SOD2: variants seen among roughly 807,000 people sequenced by gnomAD.
SOD2 encodes superoxide dismutase 2, also known as superoxide dismutase [Mn], mitochondrial.
A neutral mutation model predicts 27.0 loss-of-function variants in SOD2; 11 were observed. The ratio of observed to expected loss-of-function variants is 0.41; its 90% CI spans 0.26 to 0.67. The LOEUF (loss-of-function observed/expected upper bound fraction) is 0.67, where lower values mean the gene tolerates loss of function less well. SOD2 is among the 30% of genes least tolerant of loss of function. The probability of loss-of-function intolerance (pLI) is 0.34; values close to 1 mark genes in which losing one functional copy is unlikely to be tolerated. For missense variants in SOD2, 250 were observed against 274.5 expected (o/e 0.91, Z 0.63); for synonymous variants, 105 against 103.0 (o/e 1.02, Z -0.12).
rs994413415 is a variant in SOD2 at position 159,671,097 on chromosome 6, C to T, written c.*11396G>A. 6.7e-6 allele frequency: 1 copy of T among 148,312 alleles called. No individual in the cohort carries two copies. Among genetic ancestry groups the T allele is most frequent in the South Asian group, 2.2e-4 (1 of 4,564 alleles). 9.2% of individuals were successfully genotyped at this position (148,312 alleles called of 1,614,324 possible). On this transcript the variant is annotated 3_prime_UTR_variant, in exon 5 of 5. Transcript: ENST00000538183. Reference sequence around the variant, plus strand: ...AGGTAAATAAAGCAGCCGGGAAGCTCGAACTAGGTGGAGCCCACTGCAGCT... The same window carrying T: ...AGGTAAATAAAGCAGCCGGGAAGCTTGAACTAGGTGGAGCCCACTGCAGCT...
upstream of SOD2, among the ~76,000 whole-genome samples, chr6:159,728,922 C>T (rs1459756263): frequency 6.6e-6 from 1 of 152,206 alleles, no homozygotes; most frequent in Admixed American, 6.5e-5. Context: ...TTGCTAACTC[C>T]TAAAGGATAA....
chr6:159,721,525 T>C (rs1778040056), intron 1 of SOD2, among the ~76,000 whole-genome samples: 1 of 151,860 alleles, frequency 6.6e-6, no homozygotes, highest in African/African-American at 2.4e-5. Flanking sequence ...TGTGCCACCA[T>C]GCCCGGCTAA....
intron 1 of SOD2, among the ~76,000 whole-genome samples, chr6:159,723,209 T>C (rs1001621676): frequency 5.9e-5 from 9 of 152,238 alleles, no homozygotes; most frequent in African/African-American, 2.2e-4. Context: ...TGCAATAAAA[T>C]GCATTCTTTA....
At chr6:159,693,081 G>C in intron 1 of SOD2, 64 bp downstream of exon 1, 1 of 1,509,692 alleles carries the variant, frequency 6.6e-7, no homozygotes, top group Non-Finnish European at 8.8e-7. Flanking sequence ...CATTGCCGCG[G>C]AGGCCCTGCC....
rs944153491 is a variant in SOD2, at chr6:159,682,409, G to A, written c.*84C>T. ...CAACATCAAGAAATGCTACAATAGA[G>A]CAGCTTACTGTATTCTGCAGTACTC... On this transcript the variant is annotated 3_prime_UTR_variant, in exon 5 of 5. Transcript: ENST00000538183. The A allele has an allele frequency of 3.6e-6, 4 of 1,120,054 alleles. No individual in the cohort carries two copies. The African/African-American group carries it at 6.4e-5, about 18-fold the overall frequency. 69.4% of individuals were successfully genotyped at this position (1,120,054 alleles called of 1,614,324 possible). A position where few individuals can be genotyped will look rare whatever the true frequency, so the allele number is the denominator to read the frequency against.
chr6:159,757,431 T>G (rs1780038927), intron 1 of SOD2, among the ~76,000 whole-genome samples: 1 of 151,090 alleles, frequency 6.6e-6, no homozygotes, highest in African/African-American at 2.4e-5. Flanking sequence ...TTTTTTTTTT[T>G]GCCGAGAGTC....
At chr6:159,750,755 A>G (rs1361181744) in intron 1 of SOD2, among the ~76,000 whole-genome samples, 7 of 152,180 alleles carry the variant, frequency 4.6e-5, no homozygotes, top group African/African-American at 1.7e-4. Flanking sequence ...TTATAAATGG[A>G]TTTTTTTCTA....
intron 3 of SOD2, 105 bp from the exon 4 acceptor site, chr6:159,685,138 G>T: frequency 2.0e-6 from 1 of 512,634 alleles, no homozygotes; most frequent in Non-Finnish European, 2.8e-6. Flanking sequence ...TAGGGCCCAA[G>T]AAATTAGACA....
At chr6:159,741,945 CTG>C in intron 1 of SOD2, 1 of 635,514 alleles carries the variant, frequency 1.6e-6, no homozygotes, top group Non-Finnish European at 2.7e-6. Flanking sequence ...GAGCGAGACT[CTG>C]TCTAAAAAAA....
At chr6:159,732,074 A>G (rs1228446838), upstream of SOD2, among the ~76,000 whole-genome samples, 1 of 152,194 alleles carries the variant, frequency 6.6e-6, no homozygotes, top group Non-Finnish European at 1.5e-5. Context: ...ACCCTGGTGT[A>G]TGAAAAGTCT....
At chr6:159,706,445 A>T (rs1777628954) in intron 1 of SOD2, among the ~76,000 whole-genome samples, 1 of 152,198 alleles carries the variant, frequency 6.6e-6, no homozygotes, top group African/African-American at 2.4e-5. Context: ...AGTGGAATAC[A>T]AAAAAAGGCA....
Position 159,761,710 on chromosome 6 carries a change from A to T in SOD2, c.-1009T>A. 1.1e-5 allele frequency: 4 copies of T among 373,202 alleles called. No homozygotes were observed. The Middle Eastern group carries it at 1.5e-3, about 139-fold the overall frequency. The allele number at this position is 373,202 out of a possible 1,614,324, so 23.1% of individuals were successfully genotyped here. On this transcript the variant is annotated 5_prime_UTR_variant, in exon 1 of 8. Transcript: ENST00000546087. ...GAAACCCTAAGATTTTTTAAAAAAA[A>T]GCCCAAGACGTCAAGTCGGGGAACT...
upstream of SOD2, among the ~76,000 whole-genome samples, chr6:159,728,259 C>G (rs1286433608): frequency 1.3e-5 from 2 of 152,100 alleles, no homozygotes; most frequent in Non-Finnish European, 2.9e-5. Context: ...CCCTGTGAGA[C>G]AGTTACTAGA....
In SOD2 at chr6:159,685,667, ACCCC is replaced by A. The variant is rs879431943; in HGVS notation, c.344-638_344-635del. Among the ~76,000 whole-genome samples the A allele has an allele frequency of 6.6e-3, 752 of 113,098 alleles. 1 individual carries two copies. Among genetic ancestry groups the A allele is most frequent in the Non-Finnish European group, 0.011 (591 of 51,438 alleles). 74.2% of individuals were successfully genotyped at this position (113,098 alleles called of 152,430 possible). A position where few individuals can be genotyped will look rare whatever the true frequency, so the allele number is the denominator to read the frequency against. On this transcript the variant is annotated intron_variant, in intron 3 of 4. Transcript: ENST00000538183. Reference sequence around the variant, plus strand: ...GCGAGCTTAGTATACAACAGTTTTCACCCCCCGTCCCCTTCTTTCTCCCTCCCTG... The same window carrying A: ...GCGAGCTTAGTATACAACAGTTTTCACCGTCCCCTTCTTTCTCCCTCCCTG...
At chr6:159,733,856 C>T (rs564156355) in intron 1 of SOD2, among the ~76,000 whole-genome samples, 17 of 152,190 alleles carry the variant, frequency 1.1e-4, no homozygotes, top group African/African-American at 3.4e-4. Context: ...GCGGAGGTTG[C>T]GGTGAGCCGA....
Position 159,684,934 on chromosome 6 carries a change from C to T in SOD2, c.443G>A (p.Gly148Asp). ...CCGTTCCTTATTGAAACCAAGCCAA[C>T]CCCAACCTGAGCCTTGGACACCAAC... ...ASVGVQGSGW[G>D]WLGFNKERGH... Residue 148 changes from glycine to aspartate, a missense_variant, in exon 4 of 5, where the codon GGT (glycine) becomes GAT (aspartate). Gly to Asp is a moderately conservative substitution (Grantham distance 94, BLOSUM62 -1). Transcript: ENST00000538183. The T allele has an allele frequency of 6.2e-7, 1 of 1,613,864 alleles. No homozygotes were observed.
upstream of SOD2, chr6:159,748,044 T>A: frequency 9.3e-7 from 1 of 1,075,704 alleles, no homozygotes; most frequent in Non-Finnish European, 1.3e-6. The surrounding 1 kb of genome is among the most constrained non-coding windows in gnomAD (Gnocchi z 5.6). Context: ...TAGAAAGTTT[T>A]AAGATTTTTC....
At chr6:159,707,747 A>C (rs1210579429) in intron 1 of SOD2, among the ~76,000 whole-genome samples, 1 of 152,202 alleles carries the variant, frequency 6.6e-6, no homozygotes, top group Non-Finnish European at 1.5e-5. Context: ...AAAAGAGGGA[A>C]TCCTCCCTAA....
At chr6:159,749,138 A>G, upstream of SOD2, 1 of 986,084 alleles carries the variant, frequency 1.0e-6, no homozygotes, top group African/African-American at 1.7e-5. Context: ...AGATAATCTT[A>G]CTGAGGACTG....
Sources: allele counts gnomAD v4.1 joint callset (sites outside exome capture counted in the v4.1 genomes callset), GRCh38; gene constraint gnomAD v4.1.1; non-coding constraint Gnocchi (gnomAD v3.1); transcripts MANE v1.5; gene names NCBI Gene and HGNC (gene_info 2026-07-23, HGNC 2026-07-21).